CLMN: variants seen among roughly 807,000 people sequenced by gnomAD.
CLMN encodes calmin (calponin-like, transmembrane).
CLMN carries 57 observed loss-of-function variants against 92.7 expected under a neutral mutation model. The observed-to-expected ratio is 0.61, with a 90% CI of 0.50 to 0.77. CLMN has a LOEUF of 0.77. CLMN is among the 30% of genes least tolerant of loss of function. CLMN has a pLI of 0.00. For synonymous variants in CLMN, 466 were observed against 470.6 expected, an observed-to-expected ratio of 0.99 and a Z score of 0.13; for missense variants, 1,158 against 1,237.5, an observed-to-expected ratio of 0.94 and a Z score of 0.96.
At chr14:95,235,596 C>T (rs549599458) in intron 1 of CLMN, among the ~76,000 whole-genome samples, 1 of 152,306 alleles carries the variant, frequency 6.6e-6, no homozygotes, top group African/African-American at 2.4e-5. Context: ...ATTTTCTGTC[C>T]TTCTTTGTCT....
chr14:95,231,729 G>T (rs1897896045), intron 1 of CLMN, among the ~76,000 whole-genome samples: 1 of 152,178 alleles, frequency 6.6e-6, no homozygotes, highest in African/African-American at 2.4e-5. Context: ...ATCCAGGTCT[G>T]TCAGCCCCAC....
At chr14:95,316,464 A>C (rs941357640) in intron 1 of CLMN, among the ~76,000 whole-genome samples, 12 of 152,256 alleles carry the variant, frequency 7.9e-5, no homozygotes, top group Non-Finnish European at 2.9e-5. Flanking sequence ...AGACACAGGA[A>C]GGTGAGTGGC....
At chr14:95,251,881 C>T (rs576160239) in intron 1 of CLMN, among the ~76,000 whole-genome samples, 14 of 152,274 alleles carry the variant, frequency 9.2e-5, no homozygotes, top group African/African-American at 3.1e-4. Flanking sequence ...GGCACAGGTT[C>T]TAAACTTGGG....
At chr14:95,251,806 G>A (rs1360825161) in intron 1 of CLMN, among the ~76,000 whole-genome samples, 1 of 152,190 alleles carries the variant, frequency 6.6e-6, no homozygotes, top group Non-Finnish European at 1.5e-5. Context: ...GAGTGCTGGA[G>A]CTCCTCAGAG....
At position 95,203,205 on chromosome 14, in the gene CLMN, G is replaced by C. The variant is rs369346985; in HGVS notation, c.2144C>G (p.Pro715Arg). Residue 715 changes from proline (P) to arginine (R), a missense_variant, in exon 9 of 13, where the codon CCC becomes CGC. Pro to Arg is a moderately radical substitution (Grantham distance 103). Transcript: ENST00000298912. ...EEGLDFKPSP[P>R]LSKVSVIPHD... is the part of the protein sequence containing the mutation. ...GGGAATGACGGAAACCTTTGAGAGGGGTGGGGAGGGCTTGAAATCCAGGCC... is the reference window on the plus strand; with the variant it reads ...GGGAATGACGGAAACCTTTGAGAGGCGTGGGGAGGGCTTGAAATCCAGGCC... 5.6e-6 allele frequency: 9 copies of C among 1,613,636 alleles called. No individual in the cohort carries two copies. Among genetic ancestry groups the C allele is most frequent in the Non-Finnish European group, 7.6e-6 (9 of 1,180,036 alleles).
intron 1 of CLMN, among the ~76,000 whole-genome samples, chr14:95,303,060 A>T (rs933224349): frequency 1.3e-5 from 2 of 152,248 alleles, no homozygotes; most frequent in African/African-American, 4.8e-5. Flanking sequence ...CAAACCATGC[A>T]AAAATGTAGA....
At chr14:95,311,869 T>C (rs944382632) in intron 1 of CLMN, among the ~76,000 whole-genome samples, 2 of 151,984 alleles carry the variant, frequency 1.3e-5, no homozygotes, top group African/African-American at 2.4e-5. Context: ...CACTGTGACA[T>C]GACATCACCA....
chr14:95,274,285 T>G (rs1899835412), intron 1 of CLMN, among the ~76,000 whole-genome samples: 1 of 152,004 alleles, frequency 6.6e-6, no homozygotes, highest in South Asian at 2.1e-4. Flanking sequence ...AATGCCTGTC[T>G]TTTCTCTTTC....
Position 95,319,715 on chromosome 14 carries a change from C to A in CLMN, c.78G>T (p.Leu26=). The change falls in exon 1 of 13, where the codon CTG becomes CTT. Residue 26 remains leucine (L), a synonymous_variant. Transcript: ENST00000298912. The stretch of plus-strand genomic sequence containing the variant: ...GGCGAGCCTGGGCTGCGTTACCTTG[C>A]AGGTTCTGCACTCGGATGTCGCTAA... ...GQISDIRVQN[L]QVERENVQKR... is the part of the protein sequence containing the mutation. 6 of 1,597,328 alleles carry A rather than the reference C, an allele frequency of 3.8e-6. No homozygotes were observed. The highest frequency in any genetic ancestry group is 5.1e-6 in the Non-Finnish European group (6 of 1,176,258).
intron 9 of CLMN, among the ~76,000 whole-genome samples, chr14:95,199,521 G>A (rs1482787096): frequency 2.0e-5 from 3 of 152,158 alleles, no homozygotes; most frequent in South Asian, 4.1e-4. Context: ...GTATGCCCCC[G>A]AAACCATCGT....
At position 95,189,632 on chromosome 14, in the gene CLMN, G is replaced by A. The variant is rs1341110127; in HGVS notation, c.*1932C>T. The A allele has an allele frequency of 2.0e-5, 3 of 152,216 alleles. No homozygotes were observed. Among genetic ancestry groups the A allele is most frequent in the Non-Finnish European group, 4.4e-5 (3 of 68,030 alleles). The allele number at this position is 152,216 out of a possible 1,614,324, so 9.4% of individuals were successfully genotyped here. ...CCATAAAATGAAATGATTCACATTT[G>A]GGTTGGCTCTTCCCAGGCTCTTCGA... is the stretch of plus-strand genomic sequence containing the variant. On this transcript the variant is annotated 3_prime_UTR_variant, in exon 13 of 13. Transcript: ENST00000298912.
At chr14:95,247,800 G>A (rs1898628393) in intron 1 of CLMN, among the ~76,000 whole-genome samples, 1 of 152,144 alleles carries the variant, frequency 6.6e-6, no homozygotes, top group South Asian at 2.1e-4. Flanking sequence ...GAATCAAAGG[G>A]ATGGTGTGCA....
At position 95,194,240 on chromosome 14, in the gene CLMN, C is replaced by T. The variant is rs2140558432; in HGVS notation, c.2769+296G>A. On this transcript the variant is annotated intron_variant, in intron 11 of 12. Coordinates refer to ENST00000298912, the MANE Select transcript of CLMN (RefSeq NM_024734.4). The surrounding 1 kb of genome is among the most constrained non-coding windows in gnomAD (Gnocchi z 4.0). ...CTTGACTCATGTTGCACCTCTGTCT[C>T]TGAACGTGATCCTTCTGGGTGCGCG... 7.2e-7 allele frequency: 1 copy of T among 1,394,510 alleles called. No individual in the cohort carries two copies. The highest frequency in any genetic ancestry group is 9.3e-7 in the Non-Finnish European group (1 of 1,078,636). The allele number at this position is 1,394,510 out of a possible 1,614,324, so 86.4% of individuals were successfully genotyped here.
chr14:95,202,689 A>G lies in CLMN; in HGVS notation c.2511+149T>C, dbSNP rs1355345161. 1.5e-5 allele frequency: 12 copies of G among 808,100 alleles called. No homozygotes were observed. The East Asian group carries it at 3.4e-4, about 23-fold the overall frequency. The allele number at this position is 808,100 out of a possible 1,614,324, so 50.1% of individuals were successfully genotyped here. On this transcript the variant is annotated intron_variant, in intron 9 of 12. Coordinates refer to ENST00000298912, the MANE Select transcript of CLMN (RefSeq NM_024734.4). The stretch of plus-strand genomic sequence containing the variant: ...AACCCTGCATTTGCCCGAGCCTCAC[A>G]GTAGGTGCCTCTTTGAATTTTGCAC...
In CLMN at chr14:95,182,406, A is replaced by G. The variant is rs377648607; in HGVS notation, c.*9158T>C. On this transcript the variant is annotated 3_prime_UTR_variant, in exon 13 of 13. Coordinates refer to ENST00000298912, the MANE Select transcript of CLMN (RefSeq NM_024734.4). ...TGGTCTGAACAATCTCCTGTCTCCA[A>G]GTTTAGTTAAGTCTGTCCTGAGGAT... The G allele has an allele frequency of 1.1e-4, 17 of 152,348 alleles. No individual in the cohort carries two copies. In the East Asian group the frequency reaches 2.5e-3, roughly 22 times the overall value. The allele number at this position is 152,348 out of a possible 1,614,324, so 9.4% of individuals were successfully genotyped here.
rs1896989291 is a variant in CLMN at position 95,204,476 on chromosome 14, AC to A, written c.886-14del. 5 of 1,545,210 alleles carry A rather than the reference AC, an allele frequency of 3.2e-6. No homozygotes were observed. The highest frequency in any genetic ancestry group is 4.3e-6 in the Non-Finnish European group (5 of 1,152,192). ...CGAAAATATCTTCCTGCAAAAAAAA[AC>A]AAAAACAAACAAACAAAAAAAAACA... On this transcript the variant is annotated splice_polypyrimidine_tract_variant and intron_variant, in intron 8 of 12. Transcript: ENST00000298912.
chr14:95,246,629 A>T (rs1162938078), intron 1 of CLMN, among the ~76,000 whole-genome samples: 1 of 152,054 alleles, frequency 6.6e-6, no homozygotes, highest in Non-Finnish European at 1.5e-5. Flanking sequence ...CCACCACGCC[A>T]GCTAATTTTT....
rs1035184237 is a variant in CLMN, at chr14:95,256,584, C to T, written c.83-26451G>A. On this transcript the variant is annotated intron_variant, in intron 1 of 12. Coordinates refer to ENST00000298912, the MANE Select transcript of CLMN (RefSeq NM_024734.4). This position sits in a 1 kb window ranked among gnomAD's most constrained non-coding sequence, Gnocchi z 4.9. ...CTTGCTGAGTGTGGCTCTGCACAAC[C>T]GCCTCGTCAATACCCATCCCACGTG... Among the ~76,000 whole-genome samples, 1 of 152,200 alleles carries T rather than the reference C, an allele frequency of 6.6e-6. No homozygotes were observed. Among genetic ancestry groups the T allele is most frequent in the Non-Finnish European group, 1.5e-5 (1 of 68,044 alleles).
At chr14:95,215,953 C>A (rs906449417) in intron 4 of CLMN, among the ~76,000 whole-genome samples, 1 of 152,030 alleles carries the variant, frequency 6.6e-6, no homozygotes, top group African/African-American at 2.4e-5. Flanking sequence ...CAGCACTTAC[C>A]ATATGCAGCC....
Sources: allele counts gnomAD v4.1 joint callset (sites outside exome capture counted in the v4.1 genomes callset), GRCh38; gene constraint gnomAD v4.1.1; non-coding constraint Gnocchi (gnomAD v3.1); transcripts MANE v1.5; gene names NCBI Gene and HGNC (gene_info 2026-07-23, HGNC 2026-07-21).